The following SNTG2 variants were observed in gnomAD, a reference collection of about 807,000 sequenced individuals.
The protein encoded by SNTG2 is syntrophin gamma 2.
In SNTG2, 74 loss-of-function variants were observed where a neutral mutation model predicts 70.9. The observed-to-expected ratio is 1.04, with a 90% CI of 0.86 to 1.27. The LOEUF is 1.27. Among genes scored for constraint, SNTG2 ranks in the 50% most tolerant of loss-of-function variants. The probability of loss-of-function intolerance (pLI) is 0.00; values close to 1 mark genes in which losing one functional copy is unlikely to be tolerated. For missense variants in SNTG2, 717 were observed against 690.7 expected (o/e 1.04, Z -0.43); for synonymous variants, 278 against 273.8 (o/e 1.02, Z -0.15).
chr2:1,086,415 G>T (rs1452120919), intron 2 of SNTG2, among the ~76,000 whole-genome samples: 1 of 152,366 alleles, frequency 6.6e-6, no homozygotes, highest in East Asian at 1.9e-4. Flanking sequence ...GAAAGGGACA[G>T]TCAGAACATT....
chr2:1,365,368 A>G (rs527785725), intron 16 of SNTG2, among the ~76,000 whole-genome samples: 1 of 152,360 alleles, frequency 6.6e-6, no homozygotes, highest in African/African-American at 2.4e-5. Context: ...CAAAATAATT[A>G]GTGTTGTAGC....
chr2:1,062,905 T>G (rs923480467), intron 1 of SNTG2, among the ~76,000 whole-genome samples: 2 of 152,222 alleles, frequency 1.3e-5, no homozygotes, highest in African/African-American at 4.8e-5. Flanking sequence ...TATACACACA[T>G]ATACATACAT....
intron 1 of SNTG2, among the ~76,000 whole-genome samples, chr2:1,079,026 G>C (rs550255753): frequency 6.6e-6 from 1 of 152,354 alleles, no homozygotes; most frequent in South Asian, 2.1e-4. Context: ...TGAAGAAGTT[G>C]AGTTGGAATA....
chr2:977,794 C>A (rs1172028515), intron 1 of SNTG2, among the ~76,000 whole-genome samples: 1 of 152,098 alleles, frequency 6.6e-6, no homozygotes, highest in African/African-American at 2.4e-5. Flanking sequence ...TCCATAACCT[C>A]ATTTCCGCCC....
intron 1 of SNTG2, among the ~76,000 whole-genome samples, chr2:977,675 T>A (rs909791754): frequency 1.3e-5 from 2 of 152,192 alleles, no homozygotes; most frequent in African/African-American, 4.8e-5. Context: ...CATCGACAGC[T>A]ACTCATTGCT....
At chr2:981,810 T>C (rs181668461) in intron 1 of SNTG2, among the ~76,000 whole-genome samples, 1 of 152,244 alleles carries the variant, frequency 6.6e-6, no homozygotes, top group Admixed American at 6.5e-5. Flanking sequence ...ACCATGCACA[T>C]GAAACTATGC....
At chr2:1,328,838 T>TACACATACACACACAGATGCATACAC in intron 16 of SNTG2, among the ~76,000 whole-genome samples, 1 of 151,120 alleles carries the variant, frequency 6.6e-6, no homozygotes, top group East Asian at 2.0e-4. Flanking sequence ...TATACACACA[T>TACACATACACACACAGATGCATACAC]ACACATACAC....
intron 10 of SNTG2, among the ~76,000 whole-genome samples, chr2:1,238,610 G>A (rs1459545626): frequency 6.6e-6 from 1 of 152,202 alleles, no homozygotes; most frequent in East Asian, 1.9e-4. Flanking sequence ...TTGATGACAC[G>A]GGCGTTGCCT....
At chr2:1,071,882 C>T (rs574357161) in intron 1 of SNTG2, among the ~76,000 whole-genome samples, 2 of 152,280 alleles carry the variant, frequency 1.3e-5, no homozygotes, top group East Asian at 3.9e-4. Context: ...ATAGATCAAA[C>T]CAGCCACAGC....
intron 8 of SNTG2, among the ~76,000 whole-genome samples, chr2:1,201,982 G>A (rs553495551): frequency 6.6e-6 from 1 of 152,060 alleles, no homozygotes; most frequent in African/African-American, 2.4e-5. Flanking sequence ...GCAGCCAGAT[G>A]ATAAAAAAGC....
chr2:1,328,624 T>C (rs1260697456), intron 16 of SNTG2, among the ~76,000 whole-genome samples: 1 of 152,146 alleles, frequency 6.6e-6, no homozygotes, highest in Non-Finnish European at 1.5e-5. Flanking sequence ...ATGGAGGAGC[T>C]CTTGTTTTCC....
At chr2:1,352,906 G>T (rs1390048746) in intron 16 of SNTG2, among the ~76,000 whole-genome samples, 1 of 152,032 alleles carries the variant, frequency 6.6e-6, no homozygotes. Context: ...ATGTCTGCTG[G>T]GTATTGATGT....
At chr2:1,132,213 ATATATATGTG>A (rs1410115728) in intron 4 of SNTG2, among the ~76,000 whole-genome samples, 7 of 117,648 alleles carry the variant, frequency 5.9e-5, no homozygotes, top group East Asian at 2.3e-4. Flanking sequence ...ATATATGTGT[ATATATATGTG>A]TATATATGTG....
intron 16 of SNTG2, among the ~76,000 whole-genome samples, chr2:1,366,480 T>C (rs1182831833): frequency 6.6e-6 from 1 of 152,188 alleles, no homozygotes; most frequent in Non-Finnish European, 1.5e-5. Context: ...TTGTGGGTCA[T>C]TTTTGCTTTT....
chr2:1,171,929 G>A (rs60424871), intron 7 of SNTG2, among the ~76,000 whole-genome samples: 47,892 of 152,004 alleles, frequency 0.32, 8,130 homozygotes, highest in East Asian at 0.65. Context: ...TGCACCAAGC[G>A]AGGCTGGTGG....
At chr2:1,241,217 T>G (rs984460688) in intron 11 of SNTG2, among the ~76,000 whole-genome samples, 22 of 152,228 alleles carry the variant, frequency 1.4e-4, no homozygotes, top group South Asian at 4.1e-4. Context: ...GTTGGCTGCT[T>G]CTTCCCTGTT....
chr2:1,155,961 A>G (rs1399542536), intron 6 of SNTG2, among the ~76,000 whole-genome samples: 1 of 152,200 alleles, frequency 6.6e-6, no homozygotes, highest in African/African-American at 2.4e-5. Flanking sequence ...GGGCCAGCAG[A>G]CAGAGGGGAC....
At chr2:1,306,530 C>T (rs73177789) in intron 14 of SNTG2, among the ~76,000 whole-genome samples, 2,868 of 152,282 alleles carry the variant, frequency 0.019, 92 homozygotes, top group African/African-American at 0.066. Flanking sequence ...GCCACAGGGC[C>T]GAGCACAGCA....
At chr2:1,282,610 C>A (rs1483775125) in intron 14 of SNTG2, among the ~76,000 whole-genome samples, 1 of 152,228 alleles carries the variant, frequency 6.6e-6, no homozygotes, top group Non-Finnish European at 1.5e-5. Flanking sequence ...CGCCAAGCAT[C>A]ACTCACAATA....
Sources: gnomAD v4.1 joint callset for allele counts (sites outside exome capture counted in the v4.1 genomes callset) on GRCh38, gnomAD v4.1.1 for gene constraint, MANE v1.5 for transcripts, NCBI Gene and HGNC (gene_info 2026-07-23, HGNC 2026-07-21) for gene names.